Variants in PRKCB observed in about 807,000 individuals in gnomAD.
PRKCB encodes the protein protein kinase C beta type.
In PRKCB, 13 loss-of-function variants were observed where a neutral mutation model predicts 81.5. The ratio of observed to expected loss-of-function variants is 0.16; its 90% CI spans 0.10 to 0.25. The LOEUF (loss-of-function observed/expected upper bound fraction) is 0.25. Among genes scored for constraint, PRKCB ranks in the 10% least tolerant of loss-of-function variants. The pLI, the probability that PRKCB is intolerant of heterozygous loss-of-function variation, is 1.00. For synonymous variants in PRKCB, 335 were observed against 321.4 expected, an observed-to-expected ratio of 1.04 and a Z score of -0.45; for missense variants, 509 against 875.7, an observed-to-expected ratio of 0.58 and a Z score of 5.29.
chr16:24,054,943 C>A (rs900186984), intron 5 of PRKCB, among the ~76,000 whole-genome samples: 2 of 152,222 alleles, frequency 1.3e-5, no homozygotes, highest in African/African-American at 4.8e-5. Context: ...TCCTGGAGGG[C>A]AGAGACTGTT....
intron 2 of PRKCB, among the ~76,000 whole-genome samples, chr16:23,940,549 C>T (rs918367066): frequency 6.6e-6 from 1 of 151,776 alleles, no homozygotes; most frequent in African/African-American, 2.4e-5. Context: ...AGAGTTAGTC[C>T]TGGAAAACAG....
chr16:23,879,148 A>G (rs542555764), intron 2 of PRKCB, among the ~76,000 whole-genome samples: 9 of 151,786 alleles, frequency 5.9e-5, no homozygotes, highest in Non-Finnish European at 1.2e-4. Context: ...ACTGCACTCC[A>G]GCCTGGGCGA....
intron 2 of PRKCB, among the ~76,000 whole-genome samples, chr16:23,919,027 G>T (rs548722453): frequency 6.6e-6 from 1 of 152,072 alleles, no homozygotes; most frequent in Non-Finnish European, 1.5e-5. Context: ...TAGAAATTCC[G>T]TTTAGATACA....
At chr16:24,106,128 A>G (rs1214106003) in intron 7 of PRKCB, among the ~76,000 whole-genome samples, 1 of 152,090 alleles carries the variant, frequency 6.6e-6, no homozygotes, top group African/African-American at 2.4e-5. Flanking sequence ...AAAAACAAAA[A>G]AAACTAATGC....
rs114508165 is a variant in PRKCB at position 24,156,181 on chromosome 16, G to A, written c.1239+1324G>A. On this transcript the variant is annotated intron_variant, in intron 10 of 16. Transcript: ENST00000643927. Reference sequence around the variant, plus strand: ...TTAGTTCCCTAGTGGTATAGTTCCTGTGAGAAAGGCAGGATAAATGCTTGA... The same window carrying A: ...TTAGTTCCCTAGTGGTATAGTTCCTATGAGAAAGGCAGGATAAATGCTTGA... Among the ~76,000 whole-genome samples, 315 of 152,294 alleles carry A rather than the reference G, an allele frequency of 2.1e-3. 1 individual carries two copies. Among genetic ancestry groups the A allele is most frequent in the African/African-American group, 7.3e-3 (304 of 41,556 alleles).
intron 15 of PRKCB, among the ~76,000 whole-genome samples, chr16:24,188,121 T>G (rs902178612): frequency 9.9e-5 from 15 of 152,200 alleles, no homozygotes; most frequent in African/African-American, 3.6e-4. Context: ...CCTGCTCCAA[T>G]TAGCAGTTTC....
intron 2 of PRKCB, among the ~76,000 whole-genome samples, chr16:23,986,820 C>G (rs911123130): frequency 3.3e-5 from 5 of 151,998 alleles, no homozygotes; most frequent in Admixed American, 1.3e-4. Context: ...TATGCATCAC[C>G]CAGTTCAATA....
intron 10 of PRKCB, among the ~76,000 whole-genome samples, chr16:24,162,365 A>C (rs1967270347): frequency 6.6e-6 from 1 of 151,940 alleles, no homozygotes; most frequent in Admixed American, 6.6e-5. Flanking sequence ...AGCAGTGATC[A>C]AGTTGTAAGA....
chr16:23,912,705 G>T (rs1963680558), intron 2 of PRKCB, among the ~76,000 whole-genome samples: 1 of 150,704 alleles, frequency 6.6e-6, no homozygotes, highest in Admixed American at 6.6e-5. Flanking sequence ...TATAGATGGG[G>T]TCTCACCCTG....
At chr16:24,045,680 C>T (rs893714816) in intron 5 of PRKCB, among the ~76,000 whole-genome samples, 1 of 152,352 alleles carries the variant, frequency 6.6e-6, no homozygotes, top group Middle Eastern at 3.4e-3. Context: ...CAGCTGCATC[C>T]CATCGGCATT....
intron 2 of PRKCB, among the ~76,000 whole-genome samples, chr16:23,911,153 T>TTTTTTTTTTTTTTTTTA (rs57965434): frequency 7.1e-6 from 1 of 140,906 alleles, no homozygotes; most frequent in Non-Finnish European, 1.5e-5. Flanking sequence ...TTTTTTTTTT[T>TTTTTTTTTTTTTTTTTA]GAGACAAGGT....
At chr16:24,000,627 C>G (rs1028938428) in intron 3 of PRKCB, among the ~76,000 whole-genome samples, 1 of 151,946 alleles carries the variant, frequency 6.6e-6, no homozygotes, top group South Asian at 2.1e-4. Context: ...ATTTCAAAGC[C>G]CTTACATGAA....
chr16:24,094,856 G>GGAAGGAAAT (rs1555496392), intron 7 of PRKCB, among the ~76,000 whole-genome samples: 2,327 of 140,618 alleles, frequency 0.017, 35 homozygotes, highest in Non-Finnish European at 0.026. Context: ...AGGAAGGAAA[G>GGAAGGAAAT]GAAGAAAAAG....
intron 5 of PRKCB, among the ~76,000 whole-genome samples, chr16:24,060,959 A>C (rs148575256): frequency 6.6e-6 from 1 of 152,138 alleles, no homozygotes; most frequent in South Asian, 2.1e-4. Context: ...TAATGTTTGT[A>C]TCTTTTCTCT....
intron 3 of PRKCB, among the ~76,000 whole-genome samples, chr16:24,005,711 C>A (rs180695991): frequency 6.6e-6 from 1 of 152,182 alleles, no homozygotes; most frequent in East Asian, 1.9e-4. Flanking sequence ...GCCAACAAGG[C>A]CCTGTCCATT....
Position 24,217,195 on chromosome 16 carries a change from T to G in PRKCB, c.*2379T>G. The G allele has an allele frequency of 1.0e-6, 1 of 983,778 alleles. No homozygotes were observed. Among genetic ancestry groups the G allele is most frequent in the Non-Finnish European group, 1.2e-6 (1 of 829,258 alleles). 60.9% of individuals were successfully genotyped at this position (983,778 alleles called of 1,614,324 possible). The stretch of plus-strand genomic sequence containing the variant: ...GAAGGAAGGAAGGAATATAGTGTTA[T>G]AAATACTGCACTCAACATTTTCCAA... On this transcript the variant is annotated 3_prime_UTR_variant, in exon 17 of 17. Transcript: ENST00000643927.
chr16:24,076,755 A>G (rs1171135066), intron 5 of PRKCB, among the ~76,000 whole-genome samples: 1 of 152,228 alleles, frequency 6.6e-6, no homozygotes, highest in African/African-American at 2.4e-5. Flanking sequence ...GCCGGAGTAT[A>G]GCATCTGCTG....
At chr16:23,973,640 C>A in intron 2 of PRKCB, among the ~76,000 whole-genome samples, 1 of 151,992 alleles carries the variant, frequency 6.6e-6, no homozygotes, top group Non-Finnish European at 1.5e-5. Context: ...TAGATTGGCA[C>A]GTCAGGACAG....
intron 2 of PRKCB, among the ~76,000 whole-genome samples, chr16:23,969,706 A>G (rs1402811412): frequency 6.6e-6 from 1 of 152,202 alleles, no homozygotes; most frequent in African/African-American, 2.4e-5. Context: ...CATCGTCACC[A>G]TCTCCATGGA....
Sources: gnomAD v4.1 joint callset for allele counts (sites outside exome capture counted in the v4.1 genomes callset) on GRCh38, gnomAD v4.1.1 for gene constraint, MANE v1.5 for transcripts, NCBI Gene and HGNC (gene_info 2026-07-23, HGNC 2026-07-21) for gene names.